Variants in NEB observed in about 807,000 individuals in gnomAD.
NEB encodes nemaline myopathy type 2.
Under a neutral mutation model 952.2 loss-of-function variants are expected in NEB, and 512 were observed. That is an observed-to-expected ratio of 0.54 (90% CI 0.50 to 0.58). NEB has a LOEUF of 0.58. NEB is among the 20% of genes least tolerant of loss of function. The pLI, the probability that NEB is intolerant of heterozygous loss-of-function variation, is 0.00. For missense variants in NEB, 8,428 were observed against 9,231.1 expected (o/e 0.91, Z 3.56); for synonymous variants, 2,900 against 3,149.8 (o/e 0.92, Z 2.66).
intron 44 of NEB, among the ~76,000 whole-genome samples, 185 bp from the exon 45 acceptor site, chr2:151,664,044 A>G (rs1483536527): frequency 3.3e-5 from 5 of 151,536 alleles, no homozygotes; most frequent in Non-Finnish European, 7.4e-5. Context: ...CCGAGACTTG[A>G]GTCCATGGAA....
intron 52 of NEB, 131 bp downstream of exon 52, chr2:151,653,861 A>G: frequency 1.8e-6 from 1 of 552,942 alleles, no homozygotes; most frequent in East Asian, 3.0e-5. Flanking sequence ...CGGATAAATG[A>G]AGAGGGTAGG....
intron 38 of NEB, among the ~76,000 whole-genome samples, chr2:151,670,425 C>T (rs1211426038): frequency 1.3e-5 from 2 of 150,350 alleles, no homozygotes; most frequent in Non-Finnish European, 2.9e-5. Flanking sequence ...GAATAAGAGT[C>T]CATACAGACG....
chr2:151,701,621 C>T (rs996929033), intron 13 of NEB, among the ~76,000 whole-genome samples: 4 of 151,648 alleles, frequency 2.6e-5, no homozygotes, highest in Non-Finnish European at 2.9e-5. Context: ...GGAATTTATC[C>T]ATTTCTTCTA....
Position 151,551,826 on chromosome 2 carries a change from T to C in NEB, c.19856A>G (p.Tyr6619Cys), listed in dbSNP as rs1367421575. Residue 6619 changes from tyrosine to cysteine, a missense_variant, in exon 129 of 182, where the codon TAT becomes TGT. By Grantham distance (194) the Tyr-to-Cys change is radical. Around this residue, in one of 11 missense-constraint regions of NEB, gnomAD observed 3,374 missense variants for 3,651.5 expected, o/e 0.92. Coordinates refer to ENST00000397345, the MANE Select transcript of NEB (RefSeq NM_001164508.2). Reference protein sequence around the residue: ...QLSDAVYHYDYVHSVRGKVAP... With the variant: ...QLSDAVYHYDCVHSVRGKVAP... ...CACTTTGCCTCTGACACTGTGCACATAGTCATAGTGGTAGACAGCCTGGTG... is the reference window on the plus strand; with the variant it reads ...CACTTTGCCTCTGACACTGTGCACACAGTCATAGTGGTAGACAGCCTGGTG... 8 of 1,609,638 alleles carry C rather than the reference T, an allele frequency of 5.0e-6. No homozygotes were observed. Among genetic ancestry groups the C allele is most frequent in the Admixed American group, 3.3e-5 (2 of 59,932 alleles).
intron 135 of NEB, among the ~76,000 whole-genome samples, chr2:151,544,247 T>C (rs1248412330): frequency 6.6e-6 from 1 of 152,210 alleles, no homozygotes; most frequent in African/African-American, 2.4e-5. Context: ...AAGTTTTAGA[T>C]AATTCTGAGC....
chr2:151,519,113 T>C, intron 154 of NEB, 44 bp from the exon 155 acceptor site: 1 of 1,237,574 alleles, frequency 8.1e-7, no homozygotes. Context: ...AAATAGGAAA[T>C]GGAACAGCAC....
In NEB at chr2:151,572,521, A is replaced by AT. The variant is rs1164523932; in HGVS notation, c.17014-1921_17014-1920insA. Among the ~76,000 whole-genome samples, 62 of 144,950 alleles carry AT rather than the reference A, an allele frequency of 4.3e-4. 1 individual carries two copies. In the South Asian group the frequency reaches 9.3e-3, roughly 22 times the overall value. ...ATATTGAATATTTATATATATATATAAAATATATATATAAAAGTATATATA... is the reference window on the plus strand; with the variant it reads ...ATATTGAATATTTATATATATATATATAAATATATATATAAAAGTATATATA... On this transcript the variant is annotated intron_variant, in intron 107 of 181. Coordinates refer to ENST00000397345, the MANE Select transcript of NEB (RefSeq NM_001164508.2).
intron 36 of NEB, 21 bp from the exon 37 acceptor site, chr2:151,672,701 TAGCAA>T (rs751256739): frequency 2.5e-6 from 4 of 1,591,206 alleles, no homozygotes; most frequent in Non-Finnish European, 1.7e-6. Context: ...AGAATTGGGT[TAGCAA>T]AGTCCTAGGC....
At chr2:151,612,887 G>GCTTCCA (rs1432542680) in intron 77 of NEB, among the ~76,000 whole-genome samples, 1 of 152,134 alleles carries the variant, frequency 6.6e-6, no homozygotes, top group East Asian at 1.9e-4. Context: ...CTATGTACAT[G>GCTTCCA]CTTCCAAGTC....
intron 123 of NEB, 103 bp from the exon 124 acceptor site, chr2:151,560,802 A>G (rs1441124760): frequency 3.6e-6 from 3 of 842,210 alleles, no homozygotes; most frequent in Non-Finnish European, 5.6e-6. Context: ...CACACTCCCT[A>G]CTAACTCCCA....
intron 22 of NEB, 39 bp from the exon 23 acceptor site, chr2:151,692,007 T>A (rs373634428): frequency 6.2e-7 from 1 of 1,605,274 alleles, no homozygotes; most frequent in East Asian, 2.2e-5. Flanking sequence ...ATGATTGTTA[T>A]GGCTCTCAAA....
rs1191062389 is a variant in NEB at position 151,724,789 on chromosome 2, C to T, written c.507+68G>A. The T allele has an allele frequency of 9.6e-6, 13 of 1,352,050 alleles. No homozygotes were observed. In the South Asian group the frequency reaches 1.2e-4, roughly 12 times the overall value. 83.8% of individuals were successfully genotyped at this position (1,352,050 alleles called of 1,614,324 possible). ...CAGGATCAGGCCTGTCCAATTTTCT[C>T]CTATAAGACAATGCAGAGGTGATGC... On this transcript the variant is annotated intron_variant, in intron 7 of 181. Coordinates refer to ENST00000397345, the MANE Select transcript of NEB (RefSeq NM_001164508.2).
Position 151,547,475 on chromosome 2 carries a change from G to T in NEB, c.20321C>A (p.Thr6774Lys). Residue 6774 changes from threonine to lysine, a missense_variant, in exon 133 of 182, where the codon ACA (threonine) becomes AAA (lysine). Coordinates refer to ENST00000397345, the MANE Select transcript of NEB (RefSeq NM_001164508.2). ...ATAGCGGCAATGGATCACTTGGGGT[G>T]TGTATGGCAGAGAGATCATGTGGCC... ...MQGHMISLPY[T>K]PQVIHCRYVG... 1 of 1,607,880 alleles carries T rather than the reference G, an allele frequency of 6.2e-7. No homozygotes were observed. Among genetic ancestry groups the T allele is most frequent in the Non-Finnish European group, 8.5e-7 (1 of 1,177,260 alleles).
chr2:151,552,833 T>C, intron 127 of NEB, 57 bp from the exon 128 acceptor site: 1 of 1,290,122 alleles, frequency 7.8e-7, no homozygotes, highest in Non-Finnish European at 1.1e-6. Flanking sequence ...TTGAAACTGC[T>C]GGTTTTCACA....
intron 171 of NEB, chr2:151,497,378 A>G: frequency 1.0e-6 from 1 of 981,778 alleles, no homozygotes; most frequent in South Asian, 4.7e-5. Context: ...ACACAAACTG[A>G]AAAACTCATT....
chr2:151,694,526 C>G lies in NEB; in HGVS notation c.1778G>C (p.Ser593Thr). ...LAAKANTKNT[S>T]DVMYKKDYEK... ...AGGTCCCCAGGCCACACTCACATCGCTGGTGTTCTTGGTGTTGGCTTTGGC... is the reference window on the plus strand; with the variant it reads ...AGGTCCCCAGGCCACACTCACATCGGTGGTGTTCTTGGTGTTGGCTTTGGC... The change falls in exon 19 of 182, where the codon AGC becomes ACC. Residue 593 changes from serine to threonine, a missense_variant. Physicochemically the swap from Ser to Thr is moderately conservative, Grantham distance 58. This residue lies in a region of NEB where 2,851 missense variants were observed against 2,791.5 expected (regional missense o/e 1.02). Transcript: ENST00000397345. 6.2e-7 allele frequency: 1 copy of G among 1,613,604 alleles called. No homozygotes were observed. Among genetic ancestry groups the G allele is most frequent in the Non-Finnish European group, 8.5e-7 (1 of 1,179,656 alleles).
At chr2:151,620,609 C>T (rs1448298897) in intron 72 of NEB, among the ~76,000 whole-genome samples, 1 of 151,868 alleles carries the variant, frequency 6.6e-6, no homozygotes, top group Non-Finnish European at 1.5e-5. Flanking sequence ...GGCATCTTTG[C>T]CTTGAGTGTG....
At position 151,553,430 on chromosome 2, in the gene NEB, G is replaced by T. The variant is rs886054933; in HGVS notation, c.19699C>A (p.His6567Asn). 1.2e-6 allele frequency: 2 copies of T among 1,613,490 alleles called. No individual in the cohort carries two copies. Among genetic ancestry groups the T allele is most frequent in the Non-Finnish European group, 1.7e-6 (2 of 1,179,572 alleles). Residue 6567 changes from histidine to asparagine, a missense_variant, in exon 127 of 182, where the codon CAT becomes AAT. His to Asn is a moderately conservative substitution (Grantham distance 68). This residue lies in a region of NEB where 3,374 missense variants were observed against 3,651.5 expected (regional missense o/e 0.92). Transcript: ENST00000397345. ...CGTAGATCATAAGCATGCTTGGCATGGAGGATTTCAGGAGTGTCCCAGACG... is the reference window on the plus strand; with the variant it reads ...CGTAGATCATAAGCATGCTTGGCATTGAGGATTTCAGGAGTGTCCCAGACG... ...CYVWDTPEILHAKHAYDLRDD... is the reference protein window; with the variant it reads ...CYVWDTPEILNAKHAYDLRDD...
chr2:151,691,835 A>G (rs1418462272), intron 23 of NEB, 29 bp downstream of exon 23: 1 of 1,489,512 alleles, frequency 6.7e-7, no homozygotes, highest in Non-Finnish European at 9.2e-7. Context: ...CCCAAGCTCA[A>G]TTTCAATAAT....
Sources: gnomAD v4.1 joint callset for allele counts (sites outside exome capture counted in the v4.1 genomes callset) on GRCh38, gnomAD v4.1.1 for gene constraint, gnomAD v4.1.1 regional missense constraint, MANE v1.5 for transcripts, NCBI Gene and HGNC (gene_info 2026-07-23, HGNC 2026-07-21) for gene names.